The following CSMD3 variants were observed in gnomAD, a reference collection of about 807,000 sequenced individuals.
CSMD3 encodes CUB and sushi domain-containing protein 3.
A neutral mutation model predicts 435.2 loss-of-function variants in CSMD3; 177 were observed. That is an observed-to-expected ratio of 0.41 (90% CI 0.36 to 0.46). The LOEUF (loss-of-function observed/expected upper bound fraction) is 0.46. CSMD3 is among the 20% of genes least tolerant of loss of function. The pLI is 0.34. For synonymous variants in CSMD3, 1,656 were observed against 1,520.5 expected (o/e 1.09, Z -2.07); for missense variants, 4,265 against 4,504.6 (o/e 0.95, Z 1.52).
intron 5 of CSMD3, among the ~76,000 whole-genome samples, chr8:113,059,185 AG>A: frequency 6.6e-6 from 1 of 152,282 alleles, no homozygotes; most frequent in East Asian, 1.9e-4. Flanking sequence ...GGCATCTCAA[AG>A]CAATTTGGAT....
At chr8:112,531,809 A>G (rs1825565496) in intron 27 of CSMD3, among the ~76,000 whole-genome samples, 1 of 152,160 alleles carries the variant, frequency 6.6e-6, no homozygotes, top group African/African-American at 2.4e-5. Flanking sequence ...AAATGCCCAG[A>G]CATTGATTGA....
At chr8:112,848,411 TATTA>T (rs1201155635) in intron 11 of CSMD3, among the ~76,000 whole-genome samples, 19 of 152,200 alleles carry the variant, frequency 1.2e-4, no homozygotes, top group East Asian at 3.9e-4. Context: ...TGCTTATTCA[TATTA>T]ATTAATTATT....
Position 112,223,246 on chromosome 8 carries a change from GTAT to G in CSMD3, c.*1522_*1524del, listed in dbSNP as rs1344767759. On this transcript the variant is annotated 3_prime_UTR_variant, in exon 71 of 71. Coordinates refer to ENST00000297405, the MANE Select transcript of CSMD3 (RefSeq NM_198123.2). ...AAATTGTATGAATTTCCAAAACAAT[GTAT>G]CTCAAAGTGGTTTACAAGAAATTCA... The G allele has an allele frequency of 5.2e-6, 2 of 386,760 alleles. No homozygotes were observed. The highest frequency in any genetic ancestry group is 9.2e-6 in the Non-Finnish European group (2 of 218,264). 24.0% of individuals were successfully genotyped at this position (386,760 alleles called of 1,614,324 possible).
intron 27 of CSMD3, among the ~76,000 whole-genome samples, chr8:112,544,652 T>C (rs905221662): frequency 1.3e-5 from 2 of 152,168 alleles, no homozygotes; most frequent in African/African-American, 4.8e-5. Flanking sequence ...TTACAAATAG[T>C]GATTAAAAAA....
At chr8:112,424,411 T>G (rs1812837959) in intron 32 of CSMD3, among the ~76,000 whole-genome samples, 1 of 152,154 alleles carries the variant, frequency 6.6e-6, no homozygotes, top group Admixed American at 6.5e-5. Flanking sequence ...CATAAATTAT[T>G]TGCACATGTG....
chr8:112,847,213 T>C lies in CSMD3; in HGVS notation c.1755+11932A>G, dbSNP rs529981308. On this transcript the variant is annotated intron_variant, in intron 11 of 70. Transcript: ENST00000297405. ...GATCAATAACCCCCTTGGATGCTTC[T>C]TGCCCTTTCTGTTATCTGTTCATTA... 3.9e-5 allele frequency among the ~76,000 whole-genome samples: 6 copies of C among 152,250 alleles called. No individual in the cohort carries two copies. The East Asian group carries it at 9.7e-4, about 25-fold the overall frequency.
chr8:112,832,249 G>A lies in CSMD3; in HGVS notation c.1756-2460C>T, dbSNP rs187296544. On this transcript the variant is annotated intron_variant, in intron 11 of 70. Coordinates refer to ENST00000297405, the MANE Select transcript of CSMD3 (RefSeq NM_198123.2). ...ATGTCTTCCAATATTCTAATCCCTC[G>A]GTGTAGATAACCTATATAATATCCT... Among the ~76,000 whole-genome samples, 178 of 152,132 alleles carry A rather than the reference G, an allele frequency of 1.2e-3. 2 individuals are homozygous for A. Among genetic ancestry groups the A allele is most frequent in the African/African-American group, 4.0e-3 (166 of 41,518 alleles).
chr8:112,870,737 T>C (rs1185022442), intron 10 of CSMD3, among the ~76,000 whole-genome samples: 1 of 152,198 alleles, frequency 6.6e-6, no homozygotes, highest in Non-Finnish European at 1.5e-5. Flanking sequence ...TTAATCCATA[T>C]TCTGTTTGAA....
chr8:112,884,640 C>G (rs981212482), intron 10 of CSMD3, among the ~76,000 whole-genome samples: 1 of 151,602 alleles, frequency 6.6e-6, no homozygotes, highest in Non-Finnish European at 1.5e-5. Context: ...AATCCAGCCC[C>G]TTTCCCATTA....
chr8:113,152,442 T>C (rs1338949169), intron 4 of CSMD3, among the ~76,000 whole-genome samples: 1 of 152,014 alleles, frequency 6.6e-6, no homozygotes, highest in Non-Finnish European at 1.5e-5. Context: ...TATACACATA[T>C]TCACACGTGA....
chr8:112,421,194 G>A lies in CSMD3; in HGVS notation c.5396-12162C>T, dbSNP rs538992166. ...TTGCACATTTTTTTTTTAACAGAAG[G>A]AATTCCAAGCTTACTTATTCTCACT... On this transcript the variant is annotated intron_variant, in intron 32 of 70. Coordinates refer to ENST00000297405, the MANE Select transcript of CSMD3 (RefSeq NM_198123.2). Among the ~76,000 whole-genome samples the A allele has an allele frequency of 4.0e-5, 6 of 151,878 alleles. No homozygotes were observed. The East Asian group carries it at 9.7e-4, about 25-fold the overall frequency.
chr8:112,865,939 T>C (rs1319887490), intron 10 of CSMD3, among the ~76,000 whole-genome samples: 3 of 152,144 alleles, frequency 2.0e-5, no homozygotes, highest in East Asian at 1.9e-4. Context: ...CCAATTTTTT[T>C]CCCCTTTGGG....
intron 16 of CSMD3, among the ~76,000 whole-genome samples, chr8:112,668,061 CT>C (rs1467549286): frequency 5.9e-5 from 9 of 152,164 alleles, no homozygotes; most frequent in African/African-American, 2.2e-4. Flanking sequence ...AAAACATTTT[CT>C]ATGTGAAATT....
intron 9 of CSMD3, among the ~76,000 whole-genome samples, chr8:112,937,261 A>G (rs901473178): frequency 6.6e-6 from 1 of 151,838 alleles, no homozygotes; most frequent in Non-Finnish European, 1.5e-5. Context: ...TAGTTTTTAT[A>G]TGGTAATAAT....
chr8:113,244,479 C>T (rs1192830304), intron 3 of CSMD3, among the ~76,000 whole-genome samples: 1 of 152,026 alleles, frequency 6.6e-6, no homozygotes, highest in Non-Finnish European at 1.5e-5. Context: ...CCACGCCTGA[C>T]TAATTTTTGT....
At chr8:113,371,528 T>C (rs1244407250) in intron 1 of CSMD3, among the ~76,000 whole-genome samples, 1 of 152,196 alleles carries the variant, frequency 6.6e-6, no homozygotes, top group Admixed American at 6.5e-5. Flanking sequence ...ATTAAGTTTA[T>C]TCTTATTCAT....
intron 32 of CSMD3, among the ~76,000 whole-genome samples, chr8:112,413,017 C>A (rs551559766): frequency 5.9e-5 from 9 of 152,200 alleles, no homozygotes; most frequent in South Asian, 2.1e-4. Flanking sequence ...AAGCAAAGCA[C>A]CTACTAATCT....
intron 27 of CSMD3, among the ~76,000 whole-genome samples, chr8:112,522,907 G>T (rs1283203976): frequency 6.6e-6 from 1 of 151,794 alleles, no homozygotes. Flanking sequence ...TTCACAAGCC[G>T]AGCTGGTGCA....
chr8:112,795,363 T>C (rs1056173276), intron 13 of CSMD3, among the ~76,000 whole-genome samples: 20 of 152,180 alleles, frequency 1.3e-4, no homozygotes, highest in Non-Finnish European at 2.2e-4. Flanking sequence ...CATAATTAAA[T>C]ACATGATTGT....
Sources: allele counts gnomAD v4.1 joint callset (sites outside exome capture counted in the v4.1 genomes callset), GRCh38; gene constraint gnomAD v4.1.1; transcripts MANE v1.5; gene names NCBI Gene and HGNC (gene_info 2026-07-23, HGNC 2026-07-21).